Variants in RYR2 observed in about 807,000 individuals in gnomAD.
RYR2 encodes cardiac muscle ryanodine receptor-calcium release channel.
RYR2 carries 227 observed loss-of-function variants against 601.1 expected under a neutral mutation model. The observed-to-expected ratio is 0.38, with a 90% CI of 0.34 to 0.42. The LOEUF is 0.42. Ranked by LOEUF, RYR2 falls within the 10% of genes least tolerant of loss-of-function variation. RYR2 has a pLI of 1.00. For missense variants in RYR2, 4,646 were observed against 6,156.5 expected (o/e 0.75, Z 8.21); for synonymous variants, 2,223 against 2,175.1 (o/e 1.02, Z -0.61).
At chr1:237,330,133 G>A (rs1696565359) in intron 2 of RYR2, among the ~76,000 whole-genome samples, 1 of 152,130 alleles carries the variant, frequency 6.6e-6, no homozygotes, top group African/African-American at 2.4e-5. Context: ...AGAAATGAAT[G>A]TATGAGAGTC....
chr1:237,241,688 T>C (rs77433487), intron 1 of RYR2, among the ~76,000 whole-genome samples: 2 of 152,184 alleles, frequency 1.3e-5, no homozygotes, highest in African/African-American at 2.4e-5. Flanking sequence ...GATCATATGC[T>C]AAACAAGGGG....
chr1:237,582,920 T>G (rs368897194), intron 29 of RYR2, among the ~76,000 whole-genome samples: 1 of 45,712 alleles, frequency 2.2e-5, no homozygotes, highest in Non-Finnish European at 7.7e-5. Flanking sequence ...CTATTTTCTT[T>G]TGGATATATA....
rs727505126 is a variant in RYR2, at chr1:237,591,787, A to G, written c.4209A>G (p.Ala1403=). The change falls in exon 32 of 105, where the codon GCA becomes GCG. Residue 1403 remains alanine, a synonymous_variant. Transcript: ENST00000366574. The part of the protein sequence containing the change: ...TKPDYSTSHS[A]RLTEDVLADD... Reference sequence around the variant, plus strand: ...CAGATTACAGCACAAGCCATTCTGCAAGACTCACCGAAGATGTCCTTGCTG... The same window carrying G: ...CAGATTACAGCACAAGCCATTCTGCGAGACTCACCGAAGATGTCCTTGCTG... The G allele has an allele frequency of 4.6e-5, 74 of 1,613,646 alleles. No homozygotes were observed. The highest frequency in any genetic ancestry group is 5.8e-5 in the Non-Finnish European group (68 of 1,179,794).
chr1:237,440,290 C>A (rs748777904), intron 12 of RYR2, among the ~76,000 whole-genome samples: 3 of 151,954 alleles, frequency 2.0e-5, no homozygotes, highest in Non-Finnish European at 4.4e-5. Flanking sequence ...TCAAAACATT[C>A]GTTTAACTAT....
At chr1:237,494,553 G>T (rs1393827953) in intron 19 of RYR2, among the ~76,000 whole-genome samples, 1 of 152,042 alleles carries the variant, frequency 6.6e-6, no homozygotes, top group Non-Finnish European at 1.5e-5. Flanking sequence ...CCCCCTCACA[G>T]ACACACCCAG....
intron 78 of RYR2, among the ~76,000 whole-genome samples, chr1:237,732,704 A>C (rs1188019280): frequency 6.6e-6 from 1 of 152,198 alleles, no homozygotes; most frequent in Non-Finnish European, 1.5e-5. Context: ...CTGAAGTTAC[A>C]TAAGAAATGC....
At chr1:237,387,512 C>G in intron 9 of RYR2, 132 bp downstream of exon 9, 1 of 740,904 alleles carries the variant, frequency 1.3e-6, no homozygotes, top group Non-Finnish European at 2.2e-6. Flanking sequence ...ATGCAGATAC[C>G]TGACATTTGA....
intron 1 of RYR2, among the ~76,000 whole-genome samples, chr1:237,119,223 A>T (rs1041856522): frequency 1.3e-5 from 2 of 152,198 alleles, no homozygotes; most frequent in African/African-American, 4.8e-5. Flanking sequence ...CTGTATGAGG[A>T]CACGGGGAGT....
intron 25 of RYR2, among the ~76,000 whole-genome samples, chr1:237,535,020 C>A (rs1006789294): frequency 9.9e-5 from 15 of 151,334 alleles, no homozygotes; most frequent in Non-Finnish European, 1.9e-4. Flanking sequence ...ATATATAATA[C>A]CTCATTATTA....
chr1:237,722,083 C>T (rs539651378), intron 73 of RYR2, among the ~76,000 whole-genome samples: 5 of 152,164 alleles, frequency 3.3e-5, no homozygotes, highest in South Asian at 4.1e-4. Context: ...TGAAATTAAG[C>T]GCTGTTGTAG....
At chr1:237,666,651 T>C in intron 57 of RYR2, 62 bp downstream of exon 57, 1 of 1,285,562 alleles carries the variant, frequency 7.8e-7, no homozygotes, top group Non-Finnish European at 1.1e-6. Flanking sequence ...CATAATGTAA[T>C]GCTTTCCTGC....
intron 80 of RYR2, among the ~76,000 whole-genome samples, chr1:237,755,499 T>TA (rs749866881): frequency 2.6e-5 from 4 of 152,226 alleles, no homozygotes; most frequent in Non-Finnish European, 5.9e-5. Context: ...TTCTGCAACT[T>TA]ATACTGCTTA....
chr1:237,563,727 C>A (rs1051260913), intron 27 of RYR2, among the ~76,000 whole-genome samples: 1 of 103,572 alleles, frequency 9.7e-6, no homozygotes, highest in Non-Finnish European at 2.4e-5. Context: ...GTGTAGGGGG[C>A]TTTTGGGGAA....
intron 10 of RYR2, among the ~76,000 whole-genome samples, chr1:237,394,106 G>T (rs1187696634): frequency 6.6e-6 from 1 of 152,134 alleles, no homozygotes; most frequent in African/African-American, 2.4e-5. Context: ...TGTCTACACT[G>T]GGTTTATTAA....
chr1:237,602,193 A>AC, intron 35 of RYR2, 82 bp downstream of exon 35: 3 of 978,642 alleles, frequency 3.1e-6, no homozygotes, highest in Non-Finnish European at 4.6e-6. Flanking sequence ...TGAATTCAGT[A>AC]TATTAGTACT....
At chr1:237,677,149 GTTATTA>G (rs1000991741) in intron 60 of RYR2, among the ~76,000 whole-genome samples, 1 of 151,988 alleles carries the variant, frequency 6.6e-6, no homozygotes, top group African/African-American at 2.4e-5. Context: ...ATTATCTCAA[GTTATTA>G]TTATTATATT....
chr1:237,142,709 G>A lies in RYR2; in HGVS notation c.48+100140G>A, dbSNP rs549006509. Reference sequence around the variant, plus strand: ...ATCTCGTCCGCACTGTGAGCTCCAGGTCAGACACACAGAGGGACCGCTAAG... The same window carrying A: ...ATCTCGTCCGCACTGTGAGCTCCAGATCAGACACACAGAGGGACCGCTAAG... On this transcript the variant is annotated intron_variant, in intron 1 of 104. Coordinates refer to ENST00000366574, the MANE Select transcript of RYR2 (RefSeq NM_001035.3). Among the ~76,000 whole-genome samples, 23 of 152,278 alleles carry A rather than the reference G, an allele frequency of 1.5e-4. 1 individual carries two copies. In the South Asian group the frequency reaches 4.8e-3, roughly 32 times the overall value.
chr1:237,805,083 A>C (rs898305460), intron 98 of RYR2, among the ~76,000 whole-genome samples: 1 of 152,164 alleles, frequency 6.6e-6, no homozygotes, highest in African/African-American at 2.4e-5. Context: ...ATCTGAACCA[A>C]AATATGAATA....
chr1:237,505,179 T>A (rs1204577899), intron 22 of RYR2, among the ~76,000 whole-genome samples: 1 of 152,208 alleles, frequency 6.6e-6, no homozygotes, highest in African/African-American at 2.4e-5. Flanking sequence ...AGTATGTTTG[T>A]CATAGTTAAT....
Sources: gnomAD v4.1 joint callset for allele counts (sites outside exome capture counted in the v4.1 genomes callset) on GRCh38, gnomAD v4.1.1 for gene constraint, MANE v1.5 for transcripts, NCBI Gene and HGNC (gene_info 2026-07-23, HGNC 2026-07-21) for gene names.